Variants in SASH1 observed in about 807,000 individuals in gnomAD.
SASH1 encodes the protein SAM and SH3 domain-containing protein 1.
Under a neutral mutation model 125.2 loss-of-function variants are expected in SASH1, and 44 were observed. That is an observed-to-expected ratio of 0.35 (90% CI 0.28 to 0.45). SASH1 has a LOEUF of 0.45. Ranked by LOEUF, SASH1 falls within the 20% of genes least tolerant of loss-of-function variation. The pLI, the probability that SASH1 is intolerant of heterozygous loss-of-function variation, is 1.00. For synonymous variants in SASH1, 639 were observed against 649.1 expected, an observed-to-expected ratio of 0.98 and a Z score of 0.24; for missense variants, 1,426 against 1,614.5, an observed-to-expected ratio of 0.88 and a Z score of 2.00.
chr6:148,382,244 T>A (rs918365048), intron 1 of SASH1, among the ~76,000 whole-genome samples: 4 of 152,124 alleles, frequency 2.6e-5, no homozygotes, highest in Admixed American at 2.6e-4. Flanking sequence ...CCACAACAGC[T>A]CCAGAGCCCG....
intron 2 of SASH1, among the ~76,000 whole-genome samples, chr6:148,429,096 G>A (rs1278440192): frequency 6.6e-6 from 1 of 152,162 alleles, no homozygotes; most frequent in Non-Finnish European, 1.5e-5. Flanking sequence ...AAGTTCTTAT[G>A]TATCTAGGTT....
chr6:148,283,725 G>T (rs577080830), intron 1 of SASH1, among the ~76,000 whole-genome samples: 1 of 152,106 alleles, frequency 6.6e-6, no homozygotes, highest in South Asian at 2.1e-4. Flanking sequence ...AGGGAGCCAA[G>T]ATCGCACCAC....
intron 1 of SASH1, among the ~76,000 whole-genome samples, chr6:148,322,289 T>C (rs1780653096): frequency 1.3e-5 from 2 of 152,000 alleles, no homozygotes; most frequent in Admixed American, 1.3e-4. Flanking sequence ...GAAGTGGAGA[T>C]TGCATTGAGC....
chr6:148,233,263 G>C, the SASH1 span, among the ~76,000 whole-genome samples: 1 of 150,568 alleles, frequency 6.6e-6, no homozygotes, highest in African/African-American at 2.4e-5. Flanking sequence ...GTAGAGCGAA[G>C]ATTGAGACCC....
chr6:148,526,046 CTTTTTTTTT>C (rs34023266), intron 11 of SASH1, among the ~76,000 whole-genome samples: 31 of 54,156 alleles, frequency 5.7e-4, no homozygotes, highest in East Asian at 4.1e-3. Context: ...GAAGGTGAGT[CTTTTTTTTT>C]TTTTTTTTTT....
At chr6:148,491,947 A>G (rs1372904057) in intron 8 of SASH1, among the ~76,000 whole-genome samples, 1 of 152,240 alleles carries the variant, frequency 6.6e-6, no homozygotes, top group Non-Finnish European at 1.5e-5. Flanking sequence ...GAAGTCTAAC[A>G]TAATATAGAT....
chr6:148,513,718 C>T lies in SASH1; in HGVS notation c.730-606C>T, dbSNP rs573645800. ...TCTCTTGGAGGAATGCAGGGTCTGT[C>T]CTCACATTCGCCTTGTGAGCCCTTA... On this transcript the variant is annotated intron_variant, in intron 8 of 19. Coordinates refer to ENST00000367467, the MANE Select transcript of SASH1 (RefSeq NM_015278.5). 11 of 985,998 alleles carry T rather than the reference C, an allele frequency of 1.1e-5. No individual in the cohort carries two copies. In the South Asian group the frequency reaches 1.4e-4, roughly 13 times the overall value. The allele number at this position is 985,998 out of a possible 1,614,324, so 61.1% of individuals were successfully genotyped here. A position where few individuals can be genotyped will look rare whatever the true frequency, so the allele number is the denominator to read the frequency against.
rs2495948 is a variant in SASH1, at chr6:148,299,559, C to T, written n.74+27182C>T. Among the ~76,000 whole-genome samples, 4 of 150,958 alleles carry T rather than the reference C, an allele frequency of 2.6e-5. No homozygotes were observed. In the East Asian group the frequency reaches 7.8e-4, roughly 30 times the overall value. ...GTGCACGTCTGTAATCCCAGCTACT[C>T]GGGGGGCTCAGGAAGGAGAATCTCT... On this transcript the variant is annotated intron_variant and non_coding_transcript_variant, in intron 1 of 3. Coordinates refer to the SASH1 transcript ENST00000367469.
Position 148,519,781 on chromosome 6 carries a change from C to A in SASH1, c.1097C>A (p.Pro366His), listed in dbSNP as rs200436832. The part of the protein sequence containing the change: ...KGESRGLIKP[P>H]KKMGTFFSYP... ...GAGAGCCGGGGCCTGATTAAGCCCC[C>A]CAAGAAGATGGGGACATTCTTCTCC... Residue 366 changes from proline (P) to histidine (H), a missense_variant, in exon 10 of 20, where the codon CCC becomes CAC. This residue lies in a region of SASH1 where 567 missense variants were observed against 575.6 expected (regional missense o/e 0.99). Transcript: ENST00000367467. This position sits in a 1 kb window ranked among gnomAD's most constrained non-coding sequence, Gnocchi z 4.8. 6.2e-7 allele frequency: 1 copy of A among 1,613,926 alleles called. No homozygotes were observed. The highest frequency in any genetic ancestry group is 1.3e-5 in the African/African-American group (1 of 74,964).
At chr6:148,535,911 G>GTATC (rs1320688300) in intron 16 of SASH1, among the ~76,000 whole-genome samples, 1 of 152,174 alleles carries the variant, frequency 6.6e-6, no homozygotes, top group African/African-American at 2.4e-5. Context: ...TTACTGAAAT[G>GTATC]TATCAGGCCT....
the SASH1 span, among the ~76,000 whole-genome samples, chr6:148,224,088 G>A: frequency 2.0e-5 from 3 of 152,202 alleles, no homozygotes; most frequent in Admixed American, 6.5e-5. Context: ...GAGGCCAGGA[G>A]TTTGAGCCCA....
chr6:148,240,403 G>T, the SASH1 span, among the ~76,000 whole-genome samples: 4 of 152,158 alleles, frequency 2.6e-5, no homozygotes, highest in Non-Finnish European at 5.9e-5. Context: ...TTGAAAGTTG[G>T]CAGGAATGAA....
At chr6:148,482,688 A>ATTTTTTTTTT (rs200708826) in intron 7 of SASH1, among the ~76,000 whole-genome samples, 22,661 of 98,096 alleles carry the variant, frequency 0.23, 3,820 homozygotes, top group Non-Finnish European at 0.27. Context: ...CACCTGGCTA[A>ATTTTTTTTTT]TTTTTTTTTT....
rs1783441181 is a variant in SASH1, at chr6:148,387,566, C to CCCTTTCTT, written c.157-2568_157-2567insCCTTTCTT. 4.3e-5 allele frequency among the ~76,000 whole-genome samples: 3 copies of CCCTTTCTT among 70,096 alleles called. 1 individual carries two copies. The highest frequency in any genetic ancestry group is 4.1e-4 in the East Asian group (1 of 2,412). 46.0% of individuals were successfully genotyped at this position (70,096 alleles called of 152,430 possible). A position where few individuals can be genotyped will look rare whatever the true frequency, so the allele number is the denominator to read the frequency against. ...TCTTTTCTTTTCCTTTCTTTCTTTT[C>CCCTTTCTT]TCTTTCTTTCTTTCTTTCTTTCTTT... On this transcript the variant is annotated intron_variant, in intron 1 of 19. Coordinates refer to ENST00000367467, the MANE Select transcript of SASH1 (RefSeq NM_015278.5).
intron 1 of SASH1, among the ~76,000 whole-genome samples, chr6:148,355,282 T>C (rs1333129559): frequency 1.3e-5 from 2 of 152,212 alleles, no homozygotes; most frequent in Non-Finnish European, 2.9e-5. Flanking sequence ...TACTGGGGTA[T>C]GGTCATTACT....
At chr6:148,416,621 G>T (rs553790089) in intron 2 of SASH1, among the ~76,000 whole-genome samples, 94 of 152,284 alleles carry the variant, frequency 6.2e-4, no homozygotes, top group African/African-American at 2.2e-3. Flanking sequence ...AGGAAGAGGG[G>T]GCTCCTGCAC....
intron 17 of SASH1, among the ~76,000 whole-genome samples, chr6:148,541,616 A>C (rs140936688): frequency 4.4e-4 from 67 of 152,268 alleles, no homozygotes; most frequent in African/African-American, 1.6e-3. Flanking sequence ...TTTGAGAGCC[A>C]TTGTGGGTAC....
intron 8 of SASH1, chr6:148,513,382 C>T (rs530132353): frequency 5.1e-6 from 5 of 985,314 alleles, no homozygotes; most frequent in Non-Finnish European, 6.0e-6. Context: ...GCCCACGCAC[C>T]CGTGTTGCAC....
At chr6:148,196,851 A>T in the SASH1 span, among the ~76,000 whole-genome samples, 1 of 152,100 alleles carries the variant, frequency 6.6e-6, no homozygotes, top group South Asian at 2.1e-4. Flanking sequence ...AGAAGGTTTC[A>T]TGATGGAAAT....
Sources: gnomAD v4.1 joint callset for allele counts (sites outside exome capture counted in the v4.1 genomes callset) on GRCh38, gnomAD v4.1.1 for gene constraint, gnomAD v4.1.1 regional missense constraint, Gnocchi (gnomAD v3.1) non-coding constraint, MANE v1.5 for transcripts, NCBI Gene and HGNC (gene_info 2026-07-23, HGNC 2026-07-21) for gene names.